The following ZMYM4 variants were observed in gnomAD, a reference collection of about 807,000 sequenced individuals.
ZMYM4 encodes the protein zinc finger MYM-type containing 4, also known as zinc finger MYM-type protein 4.
A neutral mutation model predicts 183.2 loss-of-function variants in ZMYM4; 31 were observed. The ratio of observed to expected loss-of-function variants is 0.17; its 90% CI spans 0.13 to 0.23. The LOEUF (loss-of-function observed/expected upper bound fraction) is 0.23. Ranked by LOEUF, ZMYM4 falls within the 10% of genes least tolerant of loss-of-function variation. ZMYM4 has a pLI of 1.00. For synonymous variants in ZMYM4, 592 were observed against 631.2 expected (o/e 0.94, Z 0.93); for missense variants, 1,273 against 1,840.3 (o/e 0.69, Z 5.64).
intron 2 of ZMYM4, among the ~76,000 whole-genome samples, chr1:35,346,869 G>C (rs1260614381): frequency 6.6e-6 from 1 of 152,156 alleles, no homozygotes; most frequent in Non-Finnish European, 1.5e-5. Context: ...TTTCTTGGCT[G>C]TGGTCAACAA....
chr1:35,274,181 T>C (rs1570214363), intron 1 of ZMYM4, among the ~76,000 whole-genome samples: 4 of 152,274 alleles, frequency 2.6e-5, no homozygotes, highest in African/African-American at 9.6e-5. Flanking sequence ...GTATGCAATG[T>C]GAATAATTTG....
In ZMYM4 at chr1:35,368,420, TTTAAC is replaced by T. The variant is rs1034866696; in HGVS notation, c.841-1603_841-1599del. On this transcript the variant is annotated intron_variant, in intron 5 of 29. Transcript: ENST00000314607. ...AAAAATGGAAACAAATATATAAAATTTTAACTTAACGTACATATTGAGGAAATGTT... is the reference window on the plus strand; with the variant it reads ...AAAAATGGAAACAAATATATAAAATTTTAACGTACATATTGAGGAAATGTT... Among the ~76,000 whole-genome samples the T allele has an allele frequency of 2.0e-4, 30 of 152,280 alleles. 2 individuals are homozygous for T. Among genetic ancestry groups the T allele is most frequent in the African/African-American group, 2.6e-4 (11 of 41,562 alleles).
rs1174122051 is a variant in ZMYM4, at chr1:35,352,326, CAAA to C, written c.86-6596_86-6594del. On this transcript the variant is annotated intron_variant, in intron 2 of 29. Coordinates refer to ENST00000314607, the MANE Select transcript of ZMYM4 (RefSeq NM_005095.3). Reference sequence around the variant, plus strand: ...ACACACACAGCCAAAGTCCAAAAAACAAAAACCAGACTGGGCAACAGAGCAAGA... The same window carrying C: ...ACACACACAGCCAAAGTCCAAAAAACAACCAGACTGGGCAACAGAGCAAGA... Among the ~76,000 whole-genome samples, 5 of 133,060 alleles carry C rather than the reference CAAA, an allele frequency of 3.8e-5. No individual in the cohort carries two copies. The Admixed American group carries it at 3.9e-4, about 10-fold the overall frequency. 87.3% of individuals were successfully genotyped at this position (133,060 alleles called of 152,430 possible).
intron 2 of ZMYM4, among the ~76,000 whole-genome samples, chr1:35,335,629 A>G (rs1438227642): frequency 6.6e-6 from 1 of 152,130 alleles, no homozygotes; most frequent in South Asian, 2.1e-4. Context: ...CATTATATAA[A>G]TATATAACTA....
intron 23 of ZMYM4, 189 bp from the exon 24 acceptor site, chr1:35,404,834 T>C (rs1279605698): frequency 2.0e-6 from 1 of 494,444 alleles, no homozygotes; most frequent in African/African-American, 2.0e-5. Flanking sequence ...TTTTTCTTTC[T>C]TCCTTCCTCA....
intron 2 of ZMYM4, chr1:35,358,714 G>A (rs993997737): frequency 1.3e-5 from 6 of 463,528 alleles, no homozygotes; most frequent in African/African-American, 1.2e-4. Flanking sequence ...CTAACCTAAA[G>A]TAGTTTCTCA....
intron 2 of ZMYM4, among the ~76,000 whole-genome samples, chr1:35,341,399 A>G (rs1558036908): frequency 6.6e-6 from 1 of 152,100 alleles, no homozygotes; most frequent in Non-Finnish European, 1.5e-5. Context: ...CCCAAATCTT[A>G]GCATACAGAT....
intron 2 of ZMYM4, among the ~76,000 whole-genome samples, chr1:35,342,766 G>T (rs1424649758): frequency 6.6e-6 from 1 of 151,940 alleles, no homozygotes; most frequent in African/African-American, 2.4e-5. Flanking sequence ...AATTTTCTGG[G>T]CTCAGGTGAT....
In ZMYM4 at chr1:35,387,083, A is replaced by G. The variant is rs762274955; in HGVS notation, c.1917A>G (p.Thr639=). Residue 639 remains threonine, a synonymous_variant, in exon 12 of 30, where the codon ACA becomes ACG. Transcript: ENST00000314607. ...GCCAAGTAATTGTAAGCATCCCCAC[A>G]GGTTCCACAGTGTCAGCCGGAGGAG... ...SQGQVIVSIP[T]GSTVSAGGGS... 43 of 1,614,120 alleles carry G rather than the reference A, an allele frequency of 2.7e-5. No individual in the cohort carries two copies. The South Asian group carries it at 4.6e-4, about 17-fold the overall frequency.
rs185710179 is a variant in ZMYM4 at position 35,336,607 on chromosome 1, A to T, written c.85+11202A>T. Among the ~76,000 whole-genome samples, 9 of 152,108 alleles carry T rather than the reference A, an allele frequency of 5.9e-5. No homozygotes were observed. In the East Asian group the frequency reaches 1.7e-3, roughly 29 times the overall value. On this transcript the variant is annotated intron_variant, in intron 2 of 29. Transcript: ENST00000314607. ...TTTAGTAGAGACAGGACTGTACCAC[A>T]TTGGTCAGGCTGGTCTCAAACTCCT...
chr1:35,293,367 G>A (rs1048819444), intron 1 of ZMYM4, among the ~76,000 whole-genome samples: 2 of 152,032 alleles, frequency 1.3e-5, no homozygotes, highest in East Asian at 1.9e-4. Flanking sequence ...AGGCTGGAGT[G>A]TAGTGGCAGG....
chr1:35,302,609 T>G (rs1641342475), intron 1 of ZMYM4, among the ~76,000 whole-genome samples: 1 of 151,968 alleles, frequency 6.6e-6, no homozygotes, highest in Middle Eastern at 3.4e-3. Context: ...ATGGTCTCGA[T>G]CTCCTGACCT....
intron 1 of ZMYM4, among the ~76,000 whole-genome samples, chr1:35,301,005 C>A (rs1641253174): frequency 1.3e-5 from 2 of 152,026 alleles, no homozygotes; most frequent in African/African-American, 2.4e-5. Context: ...AAAAAAATTC[C>A]CTTAACTATT....
chr1:35,283,114 T>C (rs1484284695), intron 1 of ZMYM4, among the ~76,000 whole-genome samples: 53 of 147,904 alleles, frequency 3.6e-4, no homozygotes, highest in African/African-American at 1.3e-3. Flanking sequence ...CAGGTGATTC[T>C]TCTGCCTCAG....
intron 2 of ZMYM4, among the ~76,000 whole-genome samples, chr1:35,335,722 G>T (rs888746638): frequency 6.6e-6 from 1 of 152,180 alleles, no homozygotes; most frequent in Non-Finnish European, 1.5e-5. Context: ...GGGAGGTCAA[G>T]GTGGGTGGAT....
Position 35,389,742 on chromosome 1 carries a change from A to AAGG in ZMYM4, c.2437-205_2437-203dup. 6.7e-6 allele frequency among the ~76,000 whole-genome samples: 1 copy of AAGG among 149,294 alleles called. No homozygotes were observed. Among genetic ancestry groups the AAGG allele is most frequent in the East Asian group, 2.0e-4 (1 of 5,092 alleles). On this transcript the variant is annotated intron_variant, in intron 14 of 29. Coordinates refer to ENST00000314607, the MANE Select transcript of ZMYM4 (RefSeq NM_005095.3). This position sits in a 1 kb window ranked among gnomAD's most constrained non-coding sequence, Gnocchi z 4.0. ...TGCACTCCAGCCTGGGCGATAGAGCAAGGCTCTGTCTCAAAAAAAAAAAAA... is the reference window on the plus strand; with the variant it reads ...TGCACTCCAGCCTGGGCGATAGAGCAAGGAGGCTCTGTCTCAAAAAAAAAAAAA...
intron 26 of ZMYM4, 137 bp downstream of exon 26, chr1:35,408,296 T>C: frequency 9.3e-7 from 1 of 1,078,568 alleles, no homozygotes; most frequent in South Asian, 1.6e-5. Context: ...TAACAACAAA[T>C]TGGAAACCGC....
intron 1 of ZMYM4, among the ~76,000 whole-genome samples, chr1:35,309,686 C>T (rs1641702846): frequency 6.6e-6 from 1 of 151,962 alleles, no homozygotes; most frequent in East Asian, 1.9e-4. Context: ...TCTCAAAATA[C>T]TTTATGGTGA....
At chr1:35,358,756 A>G in intron 2 of ZMYM4, 169 bp from the exon 3 acceptor site, 2 of 562,940 alleles carry the variant, frequency 3.6e-6, no homozygotes, top group Non-Finnish European at 5.8e-6. Flanking sequence ...TAACTGTCAG[A>G]TAGGAATAGT....
Sources: gnomAD v4.1 joint callset for allele counts (sites outside exome capture counted in the v4.1 genomes callset) on GRCh38, gnomAD v4.1.1 for gene constraint, Gnocchi (gnomAD v3.1) non-coding constraint, MANE v1.5 for transcripts, NCBI Gene and HGNC (gene_info 2026-07-23, HGNC 2026-07-21) for gene names.